ESRRG: variants seen among roughly 807,000 people sequenced by gnomAD.
ESRRG encodes estrogen-related receptor gamma.
Under a neutral mutation model 44.0 loss-of-function variants are expected in ESRRG, and 13 were observed. The observed-to-expected ratio is 0.30, with a 90% CI of 0.19 to 0.47. The LOEUF is 0.47. ESRRG is among the 20% of genes least tolerant of loss of function. The pLI is 1.00. For missense variants in ESRRG, 395 were observed against 580.6 expected, an observed-to-expected ratio of 0.68 and a Z score of 3.29; for synonymous variants, 215 against 214.6, an observed-to-expected ratio of 1.00 and a Z score of -0.02.
intron 2 of ESRRG, among the ~76,000 whole-genome samples, chr1:216,785,816 GA>G (rs2094108970): frequency 6.6e-6 from 1 of 151,748 alleles, no homozygotes; most frequent in Non-Finnish European, 1.5e-5. Flanking sequence ...TGTGGGAAAG[GA>G]AAAAAACACA....
At chr1:217,016,305 G>T (rs1250157973) in intron 1 of ESRRG, among the ~76,000 whole-genome samples, 1 of 151,814 alleles carries the variant, frequency 6.6e-6, no homozygotes, top group Non-Finnish European at 1.5e-5. Context: ...TTGTATAATG[G>T]AACAGTTACT....
intron 2 of ESRRG, among the ~76,000 whole-genome samples, chr1:216,766,912 T>C (rs902811565): frequency 1.3e-5 from 2 of 152,200 alleles, no homozygotes; most frequent in Non-Finnish European, 1.5e-5. Flanking sequence ...ATATATTTGA[T>C]TGTGGTTATT....
At chr1:216,642,700 G>A (rs369114040) in intron 3 of ESRRG, among the ~76,000 whole-genome samples, 4 of 152,074 alleles carry the variant, frequency 2.6e-5, no homozygotes, top group South Asian at 4.1e-4. Context: ...AGCTTTCTCC[G>A]TTTCTTTGTT....
At position 217,133,645 on chromosome 1, in the gene ESRRG, C is replaced by CTCTT. The variant is rs59600886; in HGVS notation, c.-230+4018_-230+4021dup. 2.1e-3 allele frequency among the ~76,000 whole-genome samples: 194 copies of CTCTT among 91,772 alleles called. 1 individual carries two copies. The highest frequency in any genetic ancestry group is 7.4e-3 in the African/African-American group (175 of 23,626). The allele number at this position is 91,772 out of a possible 152,430, so 60.2% of individuals were successfully genotyped here. ...TCTTTCTTTCTTTCTCTCTCTCTCT[C>CTCTT]TCTTTCTTTCTTTCTTTCTTTCTTT... On this transcript the variant is annotated intron_variant, in intron 1 of 8. Coordinates refer to the ESRRG transcript ENST00000366940.
chr1:216,679,245 C>T (rs561526797), intron 1 of ESRRG, among the ~76,000 whole-genome samples: 1 of 152,328 alleles, frequency 6.6e-6, no homozygotes, highest in African/African-American at 2.4e-5. Flanking sequence ...ACGGCGTCCT[C>T]TCTCTTCTGC....
intron 3 of ESRRG, among the ~76,000 whole-genome samples, chr1:216,621,327 A>G (rs2062202298): frequency 6.6e-6 from 1 of 152,214 alleles, no homozygotes; most frequent in Admixed American, 6.5e-5. Context: ...TCTGTGCTTA[A>G]AAGAATTTTG....
chr1:216,932,078 C>A (rs1355154249), intron 2 of ESRRG, among the ~76,000 whole-genome samples: 1 of 152,000 alleles, frequency 6.6e-6, no homozygotes, highest in East Asian at 1.9e-4. Context: ...GTGGCGTGCA[C>A]CTGTAATCCG....
In ESRRG at chr1:216,999,666, T is replaced by C. The variant is rs546256103; in HGVS notation, c.-105-59993A>G. Reference sequence around the variant, plus strand: ...TGGCTGAAAAATCTGTAGATTCGCTTGTTCGTTCAGCAAACATTGGTTGAG... The same window carrying C: ...TGGCTGAAAAATCTGTAGATTCGCTCGTTCGTTCAGCAAACATTGGTTGAG... On this transcript the variant is annotated intron_variant, in intron 1 of 7. Transcript: ENST00000359162. 2.0e-5 allele frequency among the ~76,000 whole-genome samples: 3 copies of C among 152,348 alleles called. No homozygotes were observed. The South Asian group carries it at 6.2e-4, about 32-fold the overall frequency.
intron 2 of ESRRG, among the ~76,000 whole-genome samples, chr1:216,660,919 C>T (rs946453431): frequency 6.6e-6 from 1 of 151,898 alleles, no homozygotes; most frequent in South Asian, 2.1e-4. Context: ...TCAGGTTGTA[C>T]ACAATGCATT....
intron 1 of ESRRG, among the ~76,000 whole-genome samples, chr1:216,693,280 A>T (rs2079436643): frequency 1.3e-5 from 2 of 152,112 alleles, no homozygotes; most frequent in Non-Finnish European, 2.9e-5. Context: ...GTGTGTAATT[A>T]AAAAAATTTT....
intron 2 of ESRRG, among the ~76,000 whole-genome samples, chr1:216,895,230 C>T (rs1400297155): frequency 3.3e-5 from 5 of 152,092 alleles, no homozygotes; most frequent in Non-Finnish European, 5.9e-5. Context: ...AAGACCCTGT[C>T]GCCATTCCTT....
In ESRRG at chr1:216,648,267, A is replaced by G. The variant is rs114219415; in HGVS notation, c.589+2706T>C. ...ATTTTTAAAGTATAATAGAAAAAGA[A>G]TATTCCACATTTACTCATAACCATC... On this transcript the variant is annotated intron_variant, in intron 3 of 6. Transcript: ENST00000408911. 4.8e-3 allele frequency among the ~76,000 whole-genome samples: 736 copies of G among 152,300 alleles called. 2 individuals are homozygous for G. Among genetic ancestry groups the G allele is most frequent in the Middle Eastern group, 0.017 (5 of 294 alleles).
At chr1:216,649,126 A>G (rs558714013) in intron 3 of ESRRG, among the ~76,000 whole-genome samples, 148 of 152,224 alleles carry the variant, frequency 9.7e-4, no homozygotes, top group African/African-American at 3.4e-3. Context: ...TCTTAATTAT[A>G]TGTTTTCCTT....
At chr1:216,548,590 C>T (rs1424798135) in intron 5 of ESRRG, among the ~76,000 whole-genome samples, 1 of 152,066 alleles carries the variant, frequency 6.6e-6, no homozygotes, top group African/African-American at 2.4e-5. Flanking sequence ...TTTATCTTTA[C>T]TGGATTACTC....
In ESRRG at chr1:216,561,703, A is replaced by AT. The variant is rs111565670; in HGVS notation, c.862+2515_862+2516insA. ...GCGCTGTATGGCATAGGTATTATTA[A>AT]ATTTTTTTTTTAAATTTCTGTTAAC... On this transcript the variant is annotated intron_variant, in intron 5 of 6. Coordinates refer to ENST00000408911, the MANE Select transcript of ESRRG (RefSeq NM_001438.4). Among the ~76,000 whole-genome samples, 636 of 145,702 alleles carry AT rather than the reference A, an allele frequency of 4.4e-3. 4 individuals carry two copies. The highest frequency in any genetic ancestry group is 0.017 in the African/African-American group (618 of 35,340).
intron 6 of ESRRG, among the ~76,000 whole-genome samples, chr1:216,512,650 A>G (rs1303742070): frequency 6.6e-6 from 1 of 152,194 alleles, no homozygotes; most frequent in Non-Finnish European, 1.5e-5. Flanking sequence ...GGGTTACGTT[A>G]CAAGTTTTAT....
chr1:216,974,234 T>C (rs923336499), intron 1 of ESRRG, among the ~76,000 whole-genome samples: 1 of 152,164 alleles, frequency 6.6e-6, no homozygotes, highest in Non-Finnish European at 1.5e-5. Flanking sequence ...AATTGGAATG[T>C]TCCCAAAACA....
chr1:216,640,892 G>A (rs1011529118), intron 3 of ESRRG, among the ~76,000 whole-genome samples: 14 of 152,114 alleles, frequency 9.2e-5, no homozygotes, highest in African/African-American at 3.1e-4. Flanking sequence ...AGTCCTATAT[G>A]GTTCTGGCCA....
chr1:216,737,770 A>G (rs1337967218), intron 2 of ESRRG, among the ~76,000 whole-genome samples: 1 of 102,766 alleles, frequency 9.7e-6, no homozygotes, highest in Non-Finnish European at 2.3e-5. Context: ...AATTAGCAAG[A>G]AGGGATTAAA....
Sources: gnomAD v4.1 joint callset for allele counts (sites outside exome capture counted in the v4.1 genomes callset) on GRCh38, gnomAD v4.1.1 for gene constraint, MANE v1.5 for transcripts, NCBI Gene and HGNC (gene_info 2026-07-23, HGNC 2026-07-21) for gene names.